TTN: variants seen among roughly 807,000 people sequenced by gnomAD.
TTN encodes titin, also known as connectin.
TTN carries 1,525 observed loss-of-function variants against 3,223.0 expected under a neutral mutation model. That is an observed-to-expected ratio of 0.47 (90% confidence interval 0.45 to 0.49). The LOEUF (loss-of-function observed/expected upper bound fraction) is 0.49, where lower values mean the gene tolerates loss of function less well. TTN is among the 20% of genes least tolerant of loss of function. The probability of loss-of-function intolerance (pLI) is 0.00; values close to 1 mark genes in which losing one functional copy is unlikely to be tolerated. For synonymous variants in TTN, 14,094 were observed against 15,161.0 expected (o/e 0.93, Z 5.17); for missense variants, 40,786 against 43,424.0 (o/e 0.94, Z 5.40).
rs1277888878 is a variant in TTN, at chr2:178,701,514, G to A, written c.30598+14C>T. ...TGCTGCTCCAAGCTCAGATGTTGAG[G>A]TTCTGGGTCTTACCTTCTGGTGGCA... On this transcript the variant is annotated intron_variant, in intron 110 of 362. Transcript: ENST00000589042. 2 of 1,610,812 alleles carry A rather than the reference G, an allele frequency of 1.2e-6. No homozygotes were observed. Among genetic ancestry groups the A allele is most frequent in the Non-Finnish European group, 8.5e-7 (1 of 1,178,624 alleles).
Position 178,640,067 on chromosome 2 carries a change from C to A in TTN, c.40767G>T (p.Pro13589=). Residue 13589 remains proline (P), a synonymous_variant, in exon 222 of 363, where the codon CCG becomes CCT. Coordinates refer to ENST00000589042, the MANE Select transcript of TTN (RefSeq NM_001267550.2). ...GCTCACCTGCTTCGGGCTTTGGTTT[C>A]GGTTCAGGTGCAGGGAGAGGTATTG... ...KPAIPLPAPE[P]KPKPEAEVKT... is the part of the protein sequence containing the mutation. 1 of 1,612,010 alleles carries A rather than the reference C, an allele frequency of 6.2e-7. No individual in the cohort carries two copies. Among genetic ancestry groups the A allele is most frequent in the Non-Finnish European group, 8.5e-7 (1 of 1,178,722 alleles).
chr2:178,599,982 G>T (rs1429858168), intron 288 of TTN, 132 bp from the exon 289 acceptor site: 3 of 835,972 alleles, frequency 3.6e-6, no homozygotes, highest in Non-Finnish European at 5.3e-6. Context: ...TATAAAGAAT[G>T]GTTCTGTCTT....
Position 178,614,584 on chromosome 2 carries a change from G to A in TTN, c.48930C>T (p.Val16310=), listed in dbSNP as rs766658614. ...CAATAGTCACTGTGGATTTCTTAGG[G>A]ACATTTTCAATGGTAATTCTTTTGT... is the stretch of plus-strand genomic sequence containing the variant. The part of the protein sequence containing the change: ...KQDKRITIEN[V]PKKSTVTIVD... The change falls in exon 261 of 363, where the codon GTC becomes GTT. Residue 16310 remains valine, a synonymous_variant. Transcript: ENST00000589042. 3 of 1,612,346 alleles carry A rather than the reference G, an allele frequency of 1.9e-6. No individual in the cohort carries two copies. In the East Asian group the frequency reaches 6.7e-5, roughly 36 times the overall value.
intron 49 of TTN, among the ~76,000 whole-genome samples, chr2:178,737,127 GGGAA>G (rs932146225): frequency 1.3e-5 from 2 of 151,632 alleles, no homozygotes; most frequent in African/African-American, 2.4e-5. Flanking sequence ...GAGGGAAGGA[GGGAA>G]GGAAGGAAGG....
intron 99 of TTN, 103 bp downstream of exon 99, chr2:178,709,462 AT>A (rs1203339522): frequency 8.4e-7 from 1 of 1,189,082 alleles, no homozygotes; most frequent in Non-Finnish European, 1.2e-6. Flanking sequence ...GTGTATTTAT[AT>A]TTGTTATAAC....
At position 178,535,422 on chromosome 2, in the gene TTN, A is replaced by T; in HGVS notation, c.101193T>A (p.Thr33731=). 2 of 1,613,910 alleles carry T rather than the reference A, an allele frequency of 1.2e-6. No individual in the cohort carries two copies. Among genetic ancestry groups the T allele is most frequent in the East Asian group, 4.5e-5 (2 of 44,886 alleles). Residue 33731 remains threonine, a synonymous_variant, in exon 358 of 363, where the codon ACT becomes ACA. Transcript: ENST00000589042. ...ITNYIVEKCA[T]TAERWLRVGQ... ...CTACACGGAGCCATCTTTCTGCAGTAGTTGCACATTTTTCAACAATGTAGT... is the reference window on the plus strand; with the variant it reads ...CTACACGGAGCCATCTTTCTGCAGTTGTTGCACATTTTTCAACAATGTAGT...
rs769191835 is a variant in TTN at position 178,553,744 on chromosome 2, C to T, written c.89261G>A (p.Gly29754Asp). ...ADSTKSSITL[G>D]WSKPVYDGGS... ...CCCATCATAGACAGGCTTACTCCAGCCAAGGGTGATGGATGACTTGGTTGA... is the reference window on the plus strand; with the variant it reads ...CCCATCATAGACAGGCTTACTCCAGTCAAGGGTGATGGATGACTTGGTTGA... The change falls in exon 334 of 363, where the codon GGC becomes GAC. Residue 29754 changes from glycine to aspartate, a missense_variant. Coordinates refer to ENST00000589042, the MANE Select transcript of TTN (RefSeq NM_001267550.2). The T allele has an allele frequency of 1.4e-5, 22 of 1,611,994 alleles. No individual in the cohort carries two copies. The highest frequency in any genetic ancestry group is 1.4e-5 in the Non-Finnish European group (17 of 1,178,816).
At chr2:178,743,522 G>A (rs2082870342) in intron 47 of TTN, among the ~76,000 whole-genome samples, 2 of 152,010 alleles carry the variant, frequency 1.3e-5, no homozygotes, top group Middle Eastern at 3.4e-3. Flanking sequence ...ATTCTAATGA[G>A]CAAAACCAAA....
chr2:178,737,115 GGGAGGGAA>G (rs2081599423), intron 49 of TTN, among the ~76,000 whole-genome samples: 1 of 151,770 alleles, frequency 6.6e-6, no homozygotes, highest in Admixed American at 6.6e-5. Context: ...ATAGAGAGGA[GGGAGGGAA>G]GGAGGGAAGG....
At position 178,584,879 on chromosome 2, in the gene TTN, C is replaced by A. The variant is rs181717727; in HGVS notation, c.64762G>T (p.Gly21588Ter). ...SLSWHIPLED[G>*]GSNITNYIVE... ...ATATAATTGGTGATGTTACTGCCTC[C>A]GTCCTCCAGAGGGATGTGCCATGAC... The change falls in exon 310 of 363, where the codon GGA (glycine) becomes TGA (stop). Residue 21588 changes from glycine to a stop codon, truncating the protein, a stop_gained. Transcript: ENST00000589042. LOFTEE classifies it high-confidence loss of function. 6.2e-7 allele frequency: 1 copy of A among 1,613,200 alleles called. No individual in the cohort carries two copies. Among genetic ancestry groups the A allele is most frequent in the Admixed American group, 1.7e-5 (1 of 59,960 alleles).
chr2:178,542,677 T>C lies in TTN; in HGVS notation c.97177A>G (p.Lys32393Glu), dbSNP rs374081110. The change falls in exon 348 of 363, where the codon AAA becomes GAA. Residue 32393 changes from lysine to glutamate, a missense_variant. Physicochemically the swap from Lys to Glu is moderately conservative, Grantham distance 56 (BLOSUM62 1). Coordinates refer to ENST00000589042, the MANE Select transcript of TTN (RefSeq NM_001267550.2). ...NVTGTTSETI[K>E]VIILDKPGPP... The stretch of plus-strand genomic sequence containing the variant: ...ACATCCTTACCAAGAATGATAACTT[T>C]AATGGTTTCTGAAGTAGTTCCGGTA... The C allele has an allele frequency of 2.5e-6, 4 of 1,613,118 alleles. No individual in the cohort carries two copies. The highest frequency in any genetic ancestry group is 2.2e-5 in the East Asian group (1 of 44,870).
In TTN at chr2:178,615,297, A is replaced by C. The variant is rs2057134004; in HGVS notation, c.48638+10T>G. On this transcript the variant is annotated intron_variant, in intron 259 of 362. Coordinates refer to ENST00000589042, the MANE Select transcript of TTN (RefSeq NM_001267550.2). ...TACACATTTACTCTCATGCCAAATT[A>C]AAAACCTACTTTGTTTCTGCAACAG... 6.2e-7 allele frequency: 1 copy of C among 1,611,846 alleles called. No individual in the cohort carries two copies.
chr2:178,588,501 A>G (rs1423864452), intron 304 of TTN, 37 bp downstream of exon 304: 1 of 1,493,772 alleles, frequency 6.7e-7, no homozygotes. Flanking sequence ...TGAGATTAAG[A>G]GTTGCTGTAA....
rs753350142 is a variant in TTN, at chr2:178,575,614, G to C, written c.70518C>G (p.Phe23506Leu). The change falls in exon 326 of 363, where the codon TTC becomes TTG. Residue 23506 changes from phenylalanine to leucine, a missense_variant. Phe to Leu is a conservative substitution (Grantham distance 22). Coordinates refer to ENST00000589042, the MANE Select transcript of TTN (RefSeq NM_001267550.2). This position sits in a 1 kb window ranked among gnomAD's most constrained non-coding sequence, Gnocchi z 4.0. ...VTGLSEGCEY[F>L]FRVMAENEYG... ...ATTCATTCTCTGCCATCACTCTGAA[G>C]AAATATTCACACCCTTCAGACAAGC... The C allele has an allele frequency of 6.2e-7, 1 of 1,613,616 alleles. No homozygotes were observed. Among genetic ancestry groups the C allele is most frequent in the Non-Finnish European group, 8.5e-7 (1 of 1,179,652 alleles).
intron 243 of TTN, among the ~76,000 whole-genome samples, chr2:178,622,396 A>G (rs968243341): frequency 2.6e-5 from 4 of 151,920 alleles, no homozygotes; most frequent in African/African-American, 7.2e-5. Context: ...CTGATATTTG[A>G]CTTTCTGATC....
chr2:178,712,572 C>A lies in TTN; in HGVS notation c.27350G>T (p.Arg9117Met), dbSNP rs375907742. The part of the protein sequence containing the change: ...YIKAPAKFVK[R>M]LNDYSIEKGK... ...TTTCTCTATGCTGTAATCATTCAGC[C>A]TCTTCACAAATTTGGCTGGGGCTAA... The change falls in exon 95 of 363, where the codon AGG becomes ATG. Residue 9117 changes from arginine (R) to methionine (M), a missense_variant. Arg to Met is a moderately conservative substitution (Grantham distance 91). Coordinates refer to ENST00000589042, the MANE Select transcript of TTN (RefSeq NM_001267550.2). The A allele has an allele frequency of 1.2e-6, 2 of 1,612,370 alleles. No homozygotes were observed. The highest frequency in any genetic ancestry group is 2.7e-5 in the African/African-American group (2 of 74,822).
Position 178,733,234 on chromosome 2 carries a change from C to T in TTN, c.16054+5G>A. ...TATGTAGCATCATTTTCTAAAAATA[C>T]TAACCTAATACAGTGAATGTAGTCT... On this transcript the variant is annotated splice_donor_5th_base_variant and intron_variant, in intron 54 of 362. Coordinates refer to ENST00000589042, the MANE Select transcript of TTN (RefSeq NM_001267550.2). 1.3e-6 allele frequency: 2 copies of T among 1,573,682 alleles called. No individual in the cohort carries two copies. The highest frequency in any genetic ancestry group is 1.7e-6 in the Non-Finnish European group (2 of 1,160,138).
In TTN at chr2:178,734,724, G is replaced by A. The variant is rs1560840708; in HGVS notation, c.15200C>T (p.Thr5067Ile). ...VNDVGSDSCS[T>I]EIVIKEPPSF... Reference sequence around the variant, plus strand: ...AAACAAACCTTTGATAACTATTTCAGTACTGCAGCTATCACTGCCGACGTC... The same window carrying A: ...AAACAAACCTTTGATAACTATTTCAATACTGCAGCTATCACTGCCGACGTC... The change falls in exon 51 of 363, where the codon ACT (threonine) becomes ATT (isoleucine). Residue 5067 changes from threonine to isoleucine, a missense_variant. Physicochemically the swap from Thr to Ile is moderately conservative, Grantham distance 89. Coordinates refer to ENST00000589042, the MANE Select transcript of TTN (RefSeq NM_001267550.2). The A allele has an allele frequency of 1.1e-5, 18 of 1,611,866 alleles. No individual in the cohort carries two copies. Among genetic ancestry groups the A allele is most frequent in the Non-Finnish European group, 1.5e-5 (18 of 1,178,482 alleles).
intron 101 of TTN, 36 bp downstream of exon 101, chr2:178,706,826 A>G (rs1458812683): frequency 2.5e-6 from 4 of 1,609,254 alleles, no homozygotes; most frequent in Admixed American, 1.7e-5. Flanking sequence ...AAGGTATAAG[A>G]TAGATGAAGA....
Sources: gnomAD v4.1 joint callset for allele counts (sites outside exome capture counted in the v4.1 genomes callset) on GRCh38, gnomAD v4.1.1 for gene constraint, Gnocchi (gnomAD v3.1) non-coding constraint, MANE v1.5 for transcripts, NCBI Gene and HGNC (gene_info 2026-07-23, HGNC 2026-07-21) for gene names.